CCDC157: variants seen among roughly 807,000 people sequenced by gnomAD.
CCDC157 encodes the protein coiled-coil domain-containing protein 157.
Under a neutral mutation model 70.9 loss-of-function variants are expected in CCDC157, and 60 were observed. The ratio of observed to expected loss-of-function variants is 0.85; its 90% CI spans 0.69 to 1.05. CCDC157 has a LOEUF of 1.05. Ranked by LOEUF, CCDC157 falls within the 50% of genes least tolerant of loss-of-function variation. The probability of loss-of-function intolerance (pLI) is 0.00; values close to 1 mark genes in which losing one functional copy is unlikely to be tolerated. For missense variants in CCDC157, 943 were observed against 984.2 expected, an observed-to-expected ratio of 0.96 and a Z score of 0.56; for synonymous variants, 373 against 422.4, an observed-to-expected ratio of 0.88 and a Z score of 1.43.
Position 30,376,239 on chromosome 22 carries a change from C to G in CCDC157, c.1858-20C>G. ...GACTCCTGGGCCCTTATAAGACTGGCTTTTTTTTTTTTTTTGTAGCTGATC... is the reference window on the plus strand; with the variant it reads ...GACTCCTGGGCCCTTATAAGACTGGGTTTTTTTTTTTTTTTGTAGCTGATC... On this transcript the variant is annotated intron_variant, in intron 10 of 11. Coordinates refer to ENST00000338306, the MANE Select transcript of CCDC157 (RefSeq NM_001017437.5). The G allele has an allele frequency of 6.9e-7, 1 of 1,451,426 alleles. No individual in the cohort carries two copies. Among genetic ancestry groups the G allele is most frequent in the East Asian group, 2.3e-5 (1 of 42,658 alleles). 89.9% of individuals were successfully genotyped at this position (1,451,426 alleles called of 1,614,324 possible).
chr22:30,375,787 T>C (rs1933310854), intron 10 of CCDC157, 124 bp downstream of exon 10: 1 of 834,252 alleles, frequency 1.2e-6, no homozygotes, highest in African/African-American at 1.7e-5. Flanking sequence ...TAGGCTGTGC[T>C]TTTGTGAAAC....
intron 1 of CCDC157, among the ~76,000 whole-genome samples, chr22:30,358,413 G>C (rs1034113025): frequency 1.9e-4 from 29 of 152,352 alleles, no homozygotes; most frequent in Middle Eastern, 3.4e-3. Flanking sequence ...GTTCAAGCCA[G>C]TCTTATTCCT....
rs748154862 is a variant in CCDC157 at position 30,373,949 on chromosome 22, G to A, written c.1530G>A (p.Glu510=). 6.2e-6 allele frequency: 10 copies of A among 1,612,166 alleles called. No homozygotes were observed. The highest frequency in any genetic ancestry group is 3.4e-6 in the Non-Finnish European group (4 of 1,179,348). Residue 510 remains glutamate, a synonymous_variant, in exon 9 of 12, where the codon GAG becomes GAA. Transcript: ENST00000338306. ...QQELLQSLQR[E]KQGLEQATTD... ...AGCTGCTGCAGAGCCTGCAGAGGGA[G>A]AAGCAAGGCCTGGAGCAGGCGACTA...
At chr22:30,372,504 T>A in intron 7 of CCDC157, 1 of 558,608 alleles carries the variant, frequency 1.8e-6, no homozygotes, top group South Asian at 3.6e-5. Context: ...GAGGCCTCAC[T>A]CTGGAAGAGC....
In CCDC157 at chr22:30,378,076, C is replaced by T. The variant is rs1289218590; in HGVS notation, c.*1331C>T. On this transcript the variant is annotated 3_prime_UTR_variant, in exon 12 of 12. Transcript: ENST00000338306. ...AGGTCCCCATGTCCTCGCTGGCTGG[C>T]TGTAAGCCAGGTCCTCTCACGGCTC... is the stretch of plus-strand genomic sequence containing the variant. 1 of 470,842 alleles carries T rather than the reference C, an allele frequency of 2.1e-6. No homozygotes were observed. Among genetic ancestry groups the T allele is most frequent in the Non-Finnish European group, 4.4e-6 (1 of 226,894 alleles). The allele number at this position is 470,842 out of a possible 1,614,324, so 29.2% of individuals were successfully genotyped here.
rs761280727 is a variant in CCDC157 at position 30,372,160 on chromosome 22, G to A, written c.1209G>A (p.Gln403=). Residue 403 remains glutamine (Q), a synonymous_variant, in exon 7 of 12, where the codon CAG becomes CAA. Transcript: ENST00000338306. ...TGCAGCAGCTGGAGGAGCAGGTGCA[G>A]CAGTTGGAGGCGCAGGTGCAGCTGT... ...RQVQQLEEQV[Q]QLEAQVQLLV... 2 of 1,566,848 alleles carry A rather than the reference G, an allele frequency of 1.3e-6. No individual in the cohort carries two copies. Among genetic ancestry groups the A allele is most frequent in the South Asian group, 1.2e-5 (1 of 85,424 alleles).
intron 2 of CCDC157, among the ~76,000 whole-genome samples, 195 bp downstream of exon 2, chr22:30,362,309 G>T (rs1481749984): frequency 6.6e-6 from 1 of 152,210 alleles, no homozygotes; most frequent in African/African-American, 2.4e-5. Context: ...CCATTCTGGC[G>T]GTGGTGTATG....
At chr22:30,356,879 G>A (rs758419815), upstream of CCDC157, 28 of 1,133,192 alleles carry the variant, frequency 2.5e-5, no homozygotes, top group Non-Finnish European at 2.9e-5. Flanking sequence ...TCAGTACGAC[G>A]AGCTCGCAAG....
chr22:30,370,123 AGAG>A (rs1465716099), intron 4 of CCDC157, 200 bp from the exon 5 acceptor site: 1 of 678,658 alleles, frequency 1.5e-6, no homozygotes, highest in Non-Finnish European at 2.6e-6. Flanking sequence ...CGGGCCGCAG[AGAG>A]GAGACCTGGC....
chr22:30,364,697 G>A (rs113344280), intron 2 of CCDC157, among the ~76,000 whole-genome samples: 1 of 151,800 alleles, frequency 6.6e-6, no homozygotes, highest in African/African-American at 2.4e-5. Context: ...CAGCTACTCG[G>A]GAGGCTGAGG....
intron 7 of CCDC157, chr22:30,373,216 C>T: frequency 4.5e-6 from 1 of 223,972 alleles, no homozygotes; most frequent in South Asian, 6.1e-5. Flanking sequence ...GAAATGTGGG[C>T]TTCAGCAACA....
chr22:30,370,156 G>A, intron 4 of CCDC157, 170 bp from the exon 5 acceptor site: 1 of 784,504 alleles, frequency 1.3e-6, no homozygotes, highest in Non-Finnish European at 2.1e-6. Context: ...CTGAGTCAGA[G>A]TAACAGAGGG....
At chr22:30,374,126 G>A in intron 9 of CCDC157, 35 bp downstream of exon 9, 1 of 1,558,642 alleles carries the variant, frequency 6.4e-7, no homozygotes, top group Non-Finnish European at 8.7e-7. Flanking sequence ...GGGCATGCTG[G>A]GGCTCAGGGC....
In CCDC157 at chr22:30,366,174, C is replaced by T; in HGVS notation, c.174C>T (p.His58=). The T allele has an allele frequency of 6.2e-7, 1 of 1,613,746 alleles. No individual in the cohort carries two copies. Residue 58 remains histidine, a synonymous_variant, in exon 3 of 12, where the codon CAC becomes CAT. Coordinates refer to ENST00000338306, the MANE Select transcript of CCDC157 (RefSeq NM_001017437.5). ...TCGACATGGTGGCCCTGCTGGAGCA[C>T]TATGACCATGTTCCGGGTGACCCCG... ...CDLDMVALLE[H]YDHVPGDPEF...
In CCDC157 at chr22:30,365,987, C is replaced by T. The variant is rs1316448776; in HGVS notation, c.-11-3C>T. On this transcript the variant is annotated splice_polypyrimidine_tract_variant and splice_region_variant and intron_variant, in intron 2 of 11. Coordinates refer to ENST00000338306, the MANE Select transcript of CCDC157 (RefSeq NM_001017437.5). ...TGGCAGGGCTCTTCTCTGCTCACCC[C>T]AGGATCTGTGAGGATGGCGCACCTG... The T allele has an allele frequency of 3.2e-6, 5 of 1,576,140 alleles. No individual in the cohort carries two copies. In the South Asian group the frequency reaches 5.6e-5, roughly 18 times the overall value.
Position 30,366,145 on chromosome 22 carries a change from G to T in CCDC157, c.145G>T (p.Asp49Tyr). The change falls in exon 3 of 12, where the codon GAC (aspartate) becomes TAC (tyrosine). Residue 49 changes from aspartate to tyrosine, a missense_variant. Transcript: ENST00000338306. ...SWKFPDRMAC[D>Y]LDMVALLEHY... ...GAAGTTCCCTGACCGCATGGCCTGT[G>T]ACCTCGACATGGTGGCCCTGCTGGA... 1 of 1,613,826 alleles carries T rather than the reference G, an allele frequency of 6.2e-7. No homozygotes were observed. Among genetic ancestry groups the T allele is most frequent in the Non-Finnish European group, 8.5e-7 (1 of 1,180,028 alleles).
intron 7 of CCDC157, chr22:30,372,812 TG>T (rs1933037968): frequency 6.4e-6 from 1 of 155,442 alleles, no homozygotes; most frequent in Non-Finnish European, 1.4e-5. Flanking sequence ...GGGGCAGGTC[TG>T]GGGGCTGTCT....
intron 5 of CCDC157, chr22:30,371,334 T>C: frequency 2.0e-6 from 1 of 497,584 alleles, no homozygotes; most frequent in South Asian, 2.7e-5. Flanking sequence ...AGAGACAAAG[T>C]TCCTGGCACC....
At chr22:30,371,357 G>T in intron 5 of CCDC157, 1 of 519,302 alleles carries the variant, frequency 1.9e-6, no homozygotes, top group Non-Finnish European at 3.4e-6. Flanking sequence ...AAGATGGCCA[G>T]TGCCCACTGA....
Sources: allele counts gnomAD v4.1 joint callset (sites outside exome capture counted in the v4.1 genomes callset), GRCh38; gene constraint gnomAD v4.1.1; transcripts MANE v1.5; gene names NCBI Gene and HGNC (gene_info 2026-07-23, HGNC 2026-07-21).